MYO3B: variants seen among roughly 807,000 people sequenced by gnomAD.
The protein encoded by MYO3B is myosin IIIB.
MYO3B carries 156 observed loss-of-function variants against 174.6 expected under a neutral mutation model. The observed-to-expected ratio is 0.89, with a 90% CI of 0.78 to 1.02. MYO3B has a LOEUF of 1.02. MYO3B is among the 50% of genes least tolerant of loss of function. MYO3B has a pLI of 0.00. For missense variants in MYO3B, 1,632 were observed against 1,639.4 expected (o/e 1.00, Z 0.08); for synonymous variants, 563 against 569.1 (o/e 0.99, Z 0.15).
chr2:170,307,288 C>G (rs1360619678), intron 7 of MYO3B, among the ~76,000 whole-genome samples: 1 of 139,046 alleles, frequency 7.2e-6, no homozygotes, highest in Non-Finnish European at 1.5e-5. Context: ...TCATCATTTA[C>G]TTTAGGTTGC....
intron 11 of MYO3B, 22 bp from the exon 12 acceptor site, chr2:170,383,687 TC>T (rs765123080): frequency 6.4e-7 from 1 of 1,574,702 alleles, no homozygotes; most frequent in South Asian, 1.1e-5. Context: ...GGGGAGAGTT[TC>T]CTTTAATTAT....
intron 8 of MYO3B, among the ~76,000 whole-genome samples, chr2:170,361,547 C>T (rs539575128): frequency 1.3e-5 from 2 of 152,260 alleles, no homozygotes; most frequent in African/African-American, 4.8e-5. Flanking sequence ...TGTCAAATGC[C>T]GTAGGACAGT....
At chr2:170,382,235 T>A in intron 10 of MYO3B, 123 bp downstream of exon 10, 1 of 733,858 alleles carries the variant, frequency 1.4e-6, no homozygotes, top group Non-Finnish European at 2.3e-6. Context: ...TGTGTAGCTA[T>A]GGGATGAAGT....
chr2:170,383,226 G>T, intron 11 of MYO3B, 37 bp downstream of exon 11: 1 of 1,285,256 alleles, frequency 7.8e-7, no homozygotes, highest in Non-Finnish European at 1.1e-6. Flanking sequence ...CTCCTTAATA[G>T]GAAATTAAAA....
intron 19 of MYO3B, among the ~76,000 whole-genome samples, chr2:170,403,219 T>C (rs2094489598): frequency 6.6e-6 from 1 of 152,214 alleles, no homozygotes; most frequent in Non-Finnish European, 1.5e-5. Flanking sequence ...AAGTCACTCA[T>C]TTAAATTTTG....
In MYO3B at chr2:170,498,600, A is replaced by T; in HGVS notation, c.3023A>T (p.Tyr1008Phe). ...LFEEFVKRYY[Y>F]LAFTAHQTPL... ...ATTCTTTTATTTTGCAGGTATTATTACTTGGCATTCACAGCACATCAAACA... is the reference window on the plus strand; with the variant it reads ...ATTCTTTTATTTTGCAGGTATTATTTCTTGGCATTCACAGCACATCAAACA... Residue 1008 changes from tyrosine (Y) to phenylalanine (F), a missense_variant, in exon 26 of 35, where the codon TAC (tyrosine) becomes TTC (phenylalanine). Coordinates refer to ENST00000408978, the MANE Select transcript of MYO3B (RefSeq NM_138995.5). 6.2e-7 allele frequency: 1 copy of T among 1,612,756 alleles called. No individual in the cohort carries two copies. Among genetic ancestry groups the T allele is most frequent in the South Asian group, 1.1e-5 (1 of 90,996 alleles).
At chr2:170,329,613 C>G (rs566467980) in intron 7 of MYO3B, among the ~76,000 whole-genome samples, 1 of 149,824 alleles carries the variant, frequency 6.7e-6, no homozygotes, top group Non-Finnish European at 1.5e-5. Context: ...AGGCTGGTCT[C>G]GAACTCCTGA....
At chr2:170,389,253 C>G (rs373764152) in intron 14 of MYO3B, among the ~76,000 whole-genome samples, 1 of 152,142 alleles carries the variant, frequency 6.6e-6, no homozygotes, top group East Asian at 1.9e-4. Flanking sequence ...GGATTCACCC[C>G]CTTCTGGGCA....
intron 30 of MYO3B, among the ~76,000 whole-genome samples, chr2:170,538,380 A>G (rs1689863087): frequency 1.3e-5 from 2 of 152,306 alleles, no homozygotes; most frequent in South Asian, 4.1e-4. Flanking sequence ...CTCTCCCCAA[A>G]ATCATCATCC....
At chr2:170,451,359 G>A (rs1372054286) in intron 23 of MYO3B, among the ~76,000 whole-genome samples, 1 of 152,252 alleles carries the variant, frequency 6.6e-6, no homozygotes, top group East Asian at 1.9e-4. Flanking sequence ...TACGCCACAT[G>A]TCCCTAGGCC....
In MYO3B at chr2:170,609,135, C is replaced by T. The variant is rs187773086; in HGVS notation, c.3734-42493C>T. 3.9e-5 allele frequency among the ~76,000 whole-genome samples: 6 copies of T among 152,264 alleles called. No homozygotes were observed. The East Asian group carries it at 7.7e-4, about 20-fold the overall frequency. Reference sequence around the variant, plus strand: ...CTTCTGATGTAGGTGGGAAATCACCCACGTGCTTGCTGATTTCCTTGCCCA... The same window carrying T: ...CTTCTGATGTAGGTGGGAAATCACCTACGTGCTTGCTGATTTCCTTGCCCA... On this transcript the variant is annotated intron_variant, in intron 32 of 34. Coordinates refer to ENST00000408978, the MANE Select transcript of MYO3B (RefSeq NM_138995.5).
chr2:170,400,402 C>CTTT (rs10676575), intron 17 of MYO3B, 88 bp downstream of exon 17: 10,227 of 996,022 alleles, frequency 0.01, 80 homozygotes, highest in African/African-American at 0.051. Flanking sequence ...TTTGCTGGTC[C>CTTT]TTTTTTTTTT....
intron 23 of MYO3B, among the ~76,000 whole-genome samples, chr2:170,462,274 C>T (rs559679776): frequency 7.9e-5 from 12 of 152,320 alleles, no homozygotes; most frequent in Admixed American, 6.5e-4. Flanking sequence ...CTGATGTCTT[C>T]ACTTGGGTCA....
chr2:170,309,394 C>G (rs768175199), intron 7 of MYO3B, among the ~76,000 whole-genome samples: 2 of 152,082 alleles, frequency 1.3e-5, no homozygotes, highest in Non-Finnish European at 2.9e-5. Flanking sequence ...TGTTGTTTCC[C>G]TTGAAGGAAT....
intron 7 of MYO3B, among the ~76,000 whole-genome samples, chr2:170,246,219 C>T (rs1277443775): frequency 1.3e-5 from 2 of 152,146 alleles, no homozygotes; most frequent in African/African-American, 4.8e-5. Context: ...CTCCTACCTT[C>T]CCAATTCCCA....
chr2:170,523,511 G>A lies in MYO3B; in HGVS notation c.3575+3971G>A, dbSNP rs550108470. Among the ~76,000 whole-genome samples, 13 of 152,296 alleles carry A rather than the reference G, an allele frequency of 8.5e-5. No homozygotes were observed. In the South Asian group the frequency reaches 2.7e-3, roughly 32 times the overall value. ...GGCAGAGTAAGAAGAGAGCTGGATT[G>A]TGTCACTGGTGATGTTCTCATTGGA... is the stretch of plus-strand genomic sequence containing the variant. On this transcript the variant is annotated intron_variant, in intron 30 of 34. Coordinates refer to ENST00000408978, the MANE Select transcript of MYO3B (RefSeq NM_138995.5).
intron 32 of MYO3B, among the ~76,000 whole-genome samples, chr2:170,587,294 G>C (rs73030712): frequency 6.6e-6 from 1 of 152,164 alleles, no homozygotes; most frequent in Non-Finnish European, 1.5e-5. Flanking sequence ...CATACATCTT[G>C]TGTTTACCAC....
intron 6 of MYO3B, among the ~76,000 whole-genome samples, chr2:170,231,620 T>A (rs548198342): frequency 3.3e-5 from 5 of 152,230 alleles, no homozygotes; most frequent in Non-Finnish European, 5.9e-5. Context: ...TTCCAAACAA[T>A]TGCTCTGTCG....
Position 170,217,067 on chromosome 2 carries a change from G to A in MYO3B, c.527-252G>A, listed in dbSNP as rs534038735. On this transcript the variant is annotated intron_variant, in intron 5 of 34. Coordinates refer to ENST00000408978, the MANE Select transcript of MYO3B (RefSeq NM_138995.5). ...AAAAAAACCCAAAATATTCTGTGAC[G>A]TGAAAATTATATGAAATTCAAATTT... 3.3e-5 allele frequency among the ~76,000 whole-genome samples: 5 copies of A among 151,262 alleles called. No homozygotes were observed. In the East Asian group the frequency reaches 5.8e-4, roughly 18 times the overall value.
Sources: allele counts gnomAD v4.1 joint callset (sites outside exome capture counted in the v4.1 genomes callset), GRCh38; gene constraint gnomAD v4.1.1; transcripts MANE v1.5; gene names NCBI Gene and HGNC (gene_info 2026-07-23, HGNC 2026-07-21).